MYO6: variants seen among roughly 807,000 people sequenced by gnomAD.
MYO6 encodes the protein myosin VI.
MYO6 carries 74 observed loss-of-function variants against 178.7 expected under a neutral mutation model. The ratio of observed to expected loss-of-function variants is 0.41; its 90% confidence interval spans 0.34 to 0.50. The LOEUF is 0.50. Among genes scored for constraint, MYO6 ranks in the 20% least tolerant of loss-of-function variants. The pLI, the probability that MYO6 is intolerant of heterozygous loss-of-function variation, is 0.09. For missense variants in MYO6, 1,330 were observed against 1,547.4 expected (o/e 0.86, Z 2.36); for synonymous variants, 477 against 504.6 (o/e 0.95, Z 0.73).
chr6:75,778,638 C>T (rs1766635129), intron 1 of MYO6, among the ~76,000 whole-genome samples: 1 of 151,928 alleles, frequency 6.6e-6, no homozygotes, highest in Non-Finnish European at 1.5e-5. Context: ...TTCTAATTTC[C>T]CGAAGAGAAA....
intron 15 of MYO6, 73 bp from the exon 16 acceptor site, chr6:75,862,523 T>G (rs543048460): frequency 1.5e-6 from 2 of 1,314,420 alleles, no homozygotes; most frequent in Admixed American, 1.9e-5. Context: ...AATCTGTGAT[T>G]AGTGAATTGT....
chr6:75,767,501 A>G (rs1778531816), intron 1 of MYO6, among the ~76,000 whole-genome samples: 1 of 151,570 alleles, frequency 6.6e-6, no homozygotes, highest in African/African-American at 2.4e-5. Context: ...GTTCATAAAT[A>G]CACATGATTT....
At chr6:75,827,443 G>A (rs1372436402) in intron 3 of MYO6, among the ~76,000 whole-genome samples, 1 of 152,208 alleles carries the variant, frequency 6.6e-6, no homozygotes, top group East Asian at 1.9e-4. Flanking sequence ...GGTCATGAAT[G>A]TAGGTTTATT....
chr6:75,813,435 C>T (rs1478024023), intron 1 of MYO6, among the ~76,000 whole-genome samples: 1 of 152,158 alleles, frequency 6.6e-6, no homozygotes, highest in South Asian at 2.1e-4. Flanking sequence ...ACAGTGGGCT[C>T]CCCTTTGGCC....
intron 1 of MYO6, among the ~76,000 whole-genome samples, chr6:75,802,372 A>G (rs9360940): frequency 0.32 from 48,335 of 151,640 alleles, 12,205 homozygotes; most frequent in African/African-American, 0.69. Flanking sequence ...GGGAGGCTGA[A>G]TCAGGAGAAT....
intron 1 of MYO6, among the ~76,000 whole-genome samples, chr6:75,800,712 T>C (rs1256737110): frequency 6.6e-6 from 1 of 151,976 alleles, no homozygotes; most frequent in East Asian, 1.9e-4. Flanking sequence ...AAGTTGGAGA[T>C]AGAAAATGGG....
intron 23 of MYO6, among the ~76,000 whole-genome samples, chr6:75,884,157 C>T (rs1007386492): frequency 8.5e-5 from 13 of 152,050 alleles, no homozygotes; most frequent in East Asian, 5.8e-4. Flanking sequence ...AGTCAGTAAC[C>T]GGGCAGGGAT....
At chr6:75,772,501 T>G (rs182634672) in intron 1 of MYO6, among the ~76,000 whole-genome samples, 2 of 152,206 alleles carry the variant, frequency 1.3e-5, no homozygotes, top group Non-Finnish European at 2.9e-5. Context: ...GGAATCATTG[T>G]TTTACTAACC....
chr6:75,765,341 T>C (rs1778325307), intron 1 of MYO6, among the ~76,000 whole-genome samples: 1 of 151,612 alleles, frequency 6.6e-6, no homozygotes, highest in South Asian at 2.1e-4. Flanking sequence ...CACGCCTGGC[T>C]AATTTTTGTA....
At chr6:75,764,640 C>T (rs1441849158) in intron 1 of MYO6, among the ~76,000 whole-genome samples, 1 of 152,004 alleles carries the variant, frequency 6.6e-6, no homozygotes, top group African/African-American at 2.4e-5. Context: ...GGTCTCAGGA[C>T]TCTTTTACAC....
rs540805640 is a variant in MYO6 at position 75,843,014 on chromosome 6, A to G, written c.816+1636A>G. On this transcript the variant is annotated intron_variant, in intron 9 of 34. Coordinates refer to ENST00000369977, the MANE Select transcript of MYO6 (RefSeq NM_004999.4). ...GAGTCCTTGTGATGGTAAGAGGAAG[A>G]GTAGGGGAACAGCGTTGCATACATC... 2.6e-5 allele frequency among the ~76,000 whole-genome samples: 4 copies of G among 152,300 alleles called. No individual in the cohort carries two copies. In the South Asian group the frequency reaches 6.2e-4, roughly 24 times the overall value.
chr6:75,893,511 A>T (rs1214280559), intron 28 of MYO6, among the ~76,000 whole-genome samples: 1 of 152,180 alleles, frequency 6.6e-6, no homozygotes, highest in Non-Finnish European at 1.5e-5. Context: ...CAACCACTAG[A>T]TGGCGATGTT....
At chr6:75,779,253 G>C (rs1490935101) in intron 1 of MYO6, among the ~76,000 whole-genome samples, 1 of 151,990 alleles carries the variant, frequency 6.6e-6, no homozygotes, top group Admixed American at 6.6e-5. Context: ...TATAATCCTA[G>C]CACTTTGGGA....
In MYO6 at chr6:75,869,762, A is replaced by AT. The variant is rs569013198; in HGVS notation, c.1945-877dup. 8.5e-5 allele frequency among the ~76,000 whole-genome samples: 13 copies of AT among 152,142 alleles called. No homozygotes were observed. The South Asian group carries it at 1.7e-3, about 19-fold the overall frequency. On this transcript the variant is annotated intron_variant, in intron 18 of 34. Transcript: ENST00000369977. Reference sequence around the variant, plus strand: ...TAGTAACTTGTAATGTTCATTGTCAATTTTTTTTGAGAAAATTGTCCAAGC... The same window carrying AT: ...TAGTAACTTGTAATGTTCATTGTCAATTTTTTTTTGAGAAAATTGTCCAAGC...
chr6:75,856,954 C>A (rs917634161), intron 12 of MYO6, 143 bp from the exon 13 acceptor site: 4 of 687,988 alleles, frequency 5.8e-6, no homozygotes, highest in Non-Finnish European at 7.3e-6. Context: ...TCTACTTAGC[C>A]CCATTTATCT....
At chr6:75,787,163 C>G (rs148605431) in intron 1 of MYO6, among the ~76,000 whole-genome samples, 1 of 152,146 alleles carries the variant, frequency 6.6e-6, no homozygotes, top group Non-Finnish European at 1.5e-5. Context: ...ATTTTTTACA[C>G]TTATACTACT....
At position 75,862,582 on chromosome 6, in the gene MYO6, A is replaced by G; in HGVS notation, c.1547-14A>G. 1 of 1,607,912 alleles carries G rather than the reference A, an allele frequency of 6.2e-7. No homozygotes were observed. Among genetic ancestry groups the G allele is most frequent in the Non-Finnish European group, 8.5e-7 (1 of 1,174,538 alleles). On this transcript the variant is annotated splice_polypyrimidine_tract_variant and intron_variant, in intron 15 of 34. Transcript: ENST00000369977. Reference sequence around the variant, plus strand: ...TTTTTACACTATTGTGAGTGTTTTCATTTTTTGAAATAGATTTAATTGAAG... The same window carrying G: ...TTTTTACACTATTGTGAGTGTTTTCGTTTTTTGAAATAGATTTAATTGAAG...
At chr6:75,845,065 G>A (rs897707509) in intron 10 of MYO6, 88 bp downstream of exon 10, 64 of 1,059,740 alleles carry the variant, frequency 6.0e-5, no homozygotes, top group Non-Finnish European at 8.3e-5. Flanking sequence ...TAGAGCCCAA[G>A]TAAGAGTTCT....
chr6:75,853,049 A>G (rs1775420344), intron 11 of MYO6, among the ~76,000 whole-genome samples: 1 of 152,156 alleles, frequency 6.6e-6, no homozygotes, highest in African/African-American at 2.4e-5. Flanking sequence ...GTGACGTGTT[A>G]TCTTTTTGTG....
Sources: gnomAD v4.1 joint callset for allele counts (sites outside exome capture counted in the v4.1 genomes callset) on GRCh38, gnomAD v4.1.1 for gene constraint, MANE v1.5 for transcripts, NCBI Gene and HGNC (gene_info 2026-07-23, HGNC 2026-07-21) for gene names.